The following PTPN23 variants were observed in gnomAD, a reference collection of about 807,000 sequenced individuals.
PTPN23 encodes the protein tyrosine-protein phosphatase non-receptor type 23.
In PTPN23, 72 loss-of-function variants were observed where a neutral mutation model predicts 156.3. The ratio of observed to expected loss-of-function variants is 0.46; its 90% CI spans 0.38 to 0.56. The LOEUF (loss-of-function observed/expected upper bound fraction) is 0.56, where lower values mean the gene tolerates loss of function less well. Among genes scored for constraint, PTPN23 ranks in the 20% least tolerant of loss-of-function variants. The pLI, the probability that PTPN23 is intolerant of heterozygous loss-of-function variation, is 0.00. For synonymous variants in PTPN23, 957 were observed against 899.6 expected (o/e 1.06, Z -1.14); for missense variants, 1,974 against 2,171.5 (o/e 0.91, Z 1.81).
chr3:47,405,202 C>A lies in PTPN23; in HGVS notation c.364+121C>A. ...AGGGAGGACTCCAGGATTCCCGCCCCTCCACTGACCTCCCCACAGCCCTGC... is the reference window on the plus strand; with the variant it reads ...AGGGAGGACTCCAGGATTCCCGCCCATCCACTGACCTCCCCACAGCCCTGC... On this transcript the variant is annotated intron_variant, in intron 4 of 24. Transcript: ENST00000265562. This position sits in a 1 kb window ranked among gnomAD's most constrained non-coding sequence, Gnocchi z 4.7. 1.2e-6 allele frequency: 1 copy of A among 840,908 alleles called. No individual in the cohort carries two copies. The highest frequency in any genetic ancestry group is 2.0e-6 in the Non-Finnish European group (1 of 510,634). 52.1% of individuals were successfully genotyped at this position (840,908 alleles called of 1,614,324 possible).
At chr3:47,402,562 G>T (rs1050469754) in intron 2 of PTPN23, among the ~76,000 whole-genome samples, 1 of 152,164 alleles carries the variant, frequency 6.6e-6, no homozygotes, top group Non-Finnish European at 1.5e-5. Flanking sequence ...TTATAGGCGT[G>T]AGCCACCTCG....
intron 15 of PTPN23, 28 bp from the exon 16 acceptor site, chr3:47,408,748 G>T: frequency 6.4e-7 from 1 of 1,557,324 alleles, no homozygotes; most frequent in South Asian, 1.2e-5. Flanking sequence ...CCTGCCTCAG[G>T]GGCTGCCTGT....
intron 1 of PTPN23, 42 bp downstream of exon 1, chr3:47,381,222 T>G (rs367949839): frequency 3.9e-6 from 6 of 1,552,424 alleles, no homozygotes; most frequent in Middle Eastern, 3.3e-4. Context: ...GCCGCGTATC[T>G]CCGTCGTCTG....
chr3:47,394,765 A>G (rs1704845119), intron 1 of PTPN23, among the ~76,000 whole-genome samples: 1 of 152,170 alleles, frequency 6.6e-6, no homozygotes, highest in Non-Finnish European at 1.5e-5. Flanking sequence ...CTGTCCTGAG[A>G]TAAGCATGTT....
chr3:47,409,179 G>C lies in PTPN23; in HGVS notation c.1659G>C (p.Leu553=). The C allele has an allele frequency of 6.2e-7, 1 of 1,614,004 alleles. No homozygotes were observed. The highest frequency in any genetic ancestry group is 8.5e-7 in the Non-Finnish European group (1 of 1,179,924). The change falls in exon 17 of 25, where the codon CTG becomes CTC. Residue 553 remains leucine (L), a synonymous_variant. Transcript: ENST00000265562. ...TGCCCACAGAGGACAAGGCCGTGCT[G>C]CAAAACCTAAAGCGCATCCTGGCTA... ...PALSPEDKAV[L]QNLKRILAKV...
chr3:47,408,693 G>A (rs569330288), intron 15 of PTPN23, 83 bp from the exon 16 acceptor site: 1 of 1,499,314 alleles, frequency 6.7e-7, no homozygotes, highest in African/African-American at 1.4e-5. Flanking sequence ...GACCTGAGGG[G>A]GCGGTTCTGT....
chr3:47,382,942 C>T (rs570706743), intron 1 of PTPN23, among the ~76,000 whole-genome samples: 2 of 152,224 alleles, frequency 1.3e-5, no homozygotes, highest in Admixed American at 6.5e-5. Context: ...CCACCTTGGC[C>T]TCCCAAAGTG....
At chr3:47,388,664 CTTTT>C (rs35817505) in intron 1 of PTPN23, among the ~76,000 whole-genome samples, 1 of 126,992 alleles carries the variant, frequency 7.9e-6, no homozygotes, top group African/African-American at 2.9e-5. Flanking sequence ...ACTACTAGAT[CTTTT>C]TTTTTTTTTT....
rs531510250 is a variant in PTPN23, at chr3:47,409,779, C to T, written c.2074C>T (p.Arg692Cys). ...LESKVAALLE[R>C]TQSTCQAREA... ...GAGCAAGGTGGCTGCTCTGCTGGAG[C>T]GCACGCAGTCCACCTGCCAGGCCCG... The change falls in exon 19 of 25, where the codon CGC becomes TGC. Residue 692 changes from arginine (R) to cysteine (C), a missense_variant. Arg to Cys is a radical substitution (Grantham distance 180, BLOSUM62 -3). Transcript: ENST00000265562. The T allele has an allele frequency of 5.5e-5, 89 of 1,607,958 alleles. 1 individual carries two copies. Among genetic ancestry groups the T allele is most frequent in the Admixed American group, 3.5e-4 (21 of 59,784 alleles).
Position 47,406,758 on chromosome 3 carries a change from A to C in PTPN23, c.807+8A>C, listed in dbSNP as rs1355964763. ...CAGAAGTTCGGGGAGCGGGTGAGCTACAGCGAGGAGGGGACTGGGGACCAA... is the reference window on the plus strand; with the variant it reads ...CAGAAGTTCGGGGAGCGGGTGAGCTCCAGCGAGGAGGGGACTGGGGACCAA... On this transcript the variant is annotated splice_region_variant and intron_variant, in intron 9 of 24. Transcript: ENST00000265562. This position sits in a 1 kb window ranked among gnomAD's most constrained non-coding sequence, Gnocchi z 5.8. The C allele has an allele frequency of 6.2e-7, 1 of 1,613,334 alleles. No individual in the cohort carries two copies. The highest frequency in any genetic ancestry group is 1.7e-5 in the Admixed American group (1 of 59,976).
intron 2 of PTPN23, among the ~76,000 whole-genome samples, chr3:47,398,798 C>T (rs1704934144): frequency 6.6e-6 from 1 of 152,284 alleles, no homozygotes; most frequent in South Asian, 2.1e-4. Context: ...CTCCTGGGCT[C>T]AAGTGATCTT....
intron 1 of PTPN23, among the ~76,000 whole-genome samples, chr3:47,390,946 C>T (rs1261896589): frequency 6.6e-6 from 1 of 152,004 alleles, no homozygotes; most frequent in Non-Finnish European, 1.5e-5. Context: ...ACTCCCATCT[C>T]TATAAAATAA....
chr3:47,407,240 G>C lies in PTPN23; in HGVS notation c.864+54G>C. 1.2e-6 allele frequency: 2 copies of C among 1,613,722 alleles called. No individual in the cohort carries two copies. The highest frequency in any genetic ancestry group is 2.2e-5 in the East Asian group (1 of 44,888). On this transcript the variant is annotated intron_variant, in intron 10 of 24. Transcript: ENST00000265562. The surrounding 1 kb of genome is among the most constrained non-coding windows in gnomAD (Gnocchi z 4.0). ...GAGGGTATAGGAGCAAGCCCGGTAG[G>C]ACTGAGGGGGTGTCCTGGTGCCAGC...
rs555479697 is a variant in PTPN23 at position 47,411,818 on chromosome 3, C to A, written c.3924C>A (p.Gly1308=). The change falls in exon 21 of 25, where the codon GGC becomes GGA. Residue 1308 remains glycine, a synonymous_variant. Coordinates refer to ENST00000265562, the MANE Select transcript of PTPN23 (RefSeq NM_015466.4). The surrounding 1 kb of genome is among the most constrained non-coding windows in gnomAD (Gnocchi z 6.3). ...CACGCTACTTCCCCACCGAGAGGGG[C>A]CAGCCCATGGTGCACGGTGCCCTGA... The part of the protein sequence containing the change: ...KVARYFPTER[G]QPMVHGALSL... 2.5e-6 allele frequency: 4 copies of A among 1,611,638 alleles called. No individual in the cohort carries two copies. The highest frequency in any genetic ancestry group is 1.3e-5 in the African/African-American group (1 of 74,828).
chr3:47,410,654 GCCCCA>G lies in PTPN23; in HGVS notation c.2857_2861del (p.Pro953AlafsTer127). 6.2e-7 allele frequency: 1 copy of G among 1,607,226 alleles called. No homozygotes were observed. On this transcript the variant is annotated frameshift_variant, in exon 20 of 25. Coordinates refer to ENST00000265562, the MANE Select transcript of PTPN23 (RefSeq NM_015466.4). LOFTEE classifies it high-confidence loss of function. ...CAGGTTTTCCAGCCCCAAGGATTGGGCCCCAGCCCCAGCCCCATCCTCAGCCCCAT... is the reference window on the plus strand; with the variant it reads ...CAGGTTTTCCAGCCCCAAGGATTGGGGCCCCAGCCCCATCCTCAGCCCCAT...
intron 23 of PTPN23, 39 bp downstream of exon 23, chr3:47,412,460 G>C: frequency 6.2e-7 from 1 of 1,611,630 alleles, no homozygotes; most frequent in Non-Finnish European, 8.5e-7. Context: ...TGGGCCTTCT[G>C]TCCCAGGGTG....
In PTPN23 at chr3:47,410,559, C is replaced by T; in HGVS notation, c.2761C>T (p.Pro921Ser). 6.2e-7 allele frequency: 1 copy of T among 1,612,278 alleles called. No homozygotes were observed. Among genetic ancestry groups the T allele is most frequent in the Non-Finnish European group, 8.5e-7 (1 of 1,179,500 alleles). The change falls in exon 20 of 25, where the codon CCT becomes TCT. Residue 921 changes from proline (P) to serine (S), a missense_variant. This residue lies in a region of PTPN23 where 731 missense variants were observed against 669.1 expected (regional missense o/e 1.09). Coordinates refer to ENST00000265562, the MANE Select transcript of PTPN23 (RefSeq NM_015466.4). The stretch of plus-strand genomic sequence containing the variant: ...GCCCCCACCGCAGCCACTGCCCACG[C>T]CTTACACCTACCCTGCAGGGGCTAA... ...PVPPPQPLPT[P>S]YTYPAGAKQP... is the part of the protein sequence containing the mutation.
At chr3:47,386,556 C>T (rs751761863) in intron 1 of PTPN23, among the ~76,000 whole-genome samples, 2 of 152,054 alleles carry the variant, frequency 1.3e-5, no homozygotes, top group Non-Finnish European at 2.9e-5. Context: ...GGAATTTTTT[C>T]CCCTTCCAGA....
chr3:47,403,768 A>T (rs1478665167), intron 2 of PTPN23, among the ~76,000 whole-genome samples: 1 of 152,014 alleles, frequency 6.6e-6, no homozygotes, highest in African/African-American at 2.4e-5. Context: ...GCCTCAAGCG[A>T]TCCTCCCACC....
Sources: allele counts gnomAD v4.1 joint callset (sites outside exome capture counted in the v4.1 genomes callset), GRCh38; gene constraint gnomAD v4.1.1; regional missense constraint gnomAD v4.1.1; non-coding constraint Gnocchi (gnomAD v3.1); transcripts MANE v1.5; gene names NCBI Gene and HGNC (gene_info 2026-07-23, HGNC 2026-07-21).